The following B3GALT1 variants were observed in gnomAD, a reference collection of about 807,000 sequenced individuals.
B3GALT1 encodes beta-1,3-galactosyltransferase 1.
In B3GALT1, 10 loss-of-function variants were observed where a neutral mutation model predicts 23.2. The observed-to-expected ratio is 0.43, with a 90% CI of 0.27 to 0.73. The LOEUF (loss-of-function observed/expected upper bound fraction) is 0.73. Among genes scored for constraint, B3GALT1 ranks in the 30% least tolerant of loss-of-function variants. B3GALT1 has a pLI of 0.21. For missense variants in B3GALT1, 299 were observed against 405.4 expected (o/e 0.74, Z 2.25); for synonymous variants, 156 against 141.5 (o/e 1.10, Z -0.73).
intron 1 of B3GALT1, among the ~76,000 whole-genome samples, chr2:167,315,357 A>G (rs1001501938): frequency 6.6e-6 from 1 of 152,114 alleles, no homozygotes; most frequent in African/African-American, 2.4e-5. Flanking sequence ...AGAAAACACT[A>G]ATTTTTTTTT....
chr2:167,320,640 A>T (rs759166973), intron 1 of B3GALT1, among the ~76,000 whole-genome samples: 4 of 152,136 alleles, frequency 2.6e-5, no homozygotes, highest in Admixed American at 6.5e-5. Flanking sequence ...ACCCCAGTTC[A>T]TAGAAGCATA....
chr2:167,800,157 A>G (rs1051496057), intron 3 of B3GALT1, among the ~76,000 whole-genome samples: 2 of 152,208 alleles, frequency 1.3e-5, no homozygotes, highest in South Asian at 2.1e-4. Context: ...GAATTTCACT[A>G]TTAGCTCTAA....
At chr2:167,764,357 T>C (rs1687941588) in intron 3 of B3GALT1, among the ~76,000 whole-genome samples, 1 of 152,226 alleles carries the variant, frequency 6.6e-6, no homozygotes, top group Non-Finnish European at 1.5e-5. Flanking sequence ...ATTAAAGTTA[T>C]TAATAATATA....
intron 1 of B3GALT1, among the ~76,000 whole-genome samples, chr2:167,370,458 T>G (rs531309172): frequency 6.6e-6 from 1 of 151,948 alleles, no homozygotes; most frequent in Non-Finnish European, 1.5e-5. Context: ...GAAAGAAAAA[T>G]GAAGATGATA....
chr2:167,776,819 T>C (rs1474374978), intron 3 of B3GALT1, among the ~76,000 whole-genome samples: 4 of 152,262 alleles, frequency 2.6e-5, no homozygotes, highest in Admixed American at 2.6e-4. Flanking sequence ...AAAAACTTTC[T>C]AAATAACTTC....
Position 167,873,505 on chromosome 2 carries a change from AT to A in B3GALT1, c.*3488del, listed in dbSNP as rs1464323510. 6.6e-6 allele frequency: 1 copy of A among 152,188 alleles called. No individual in the cohort carries two copies. Among genetic ancestry groups the A allele is most frequent in the Admixed American group, 6.5e-5 (1 of 15,290 alleles). The allele number at this position is 152,188 out of a possible 1,614,324, so 9.4% of individuals were successfully genotyped here. A position where few individuals can be genotyped will look rare whatever the true frequency, so the allele number is the denominator to read the frequency against. ...CTCTTCTATCAAAAGACAATGGAAT[AT>A]TTACCTAAAGCATCTGGGATTCATT... On this transcript the variant is annotated 3_prime_UTR_variant, in exon 5 of 5. Coordinates refer to ENST00000392690, the MANE Select transcript of B3GALT1 (RefSeq NM_020981.4).
intron 4 of B3GALT1, among the ~76,000 whole-genome samples, chr2:167,829,724 C>T (rs1689305658): frequency 6.6e-6 from 1 of 152,134 alleles, no homozygotes; most frequent in Admixed American, 6.5e-5. Context: ...CTACCCCTCC[C>T]CTTGGCTAAG....
At chr2:167,446,860 A>G (rs112034913) in intron 1 of B3GALT1, among the ~76,000 whole-genome samples, 2,031 of 152,186 alleles carry the variant, frequency 0.013, 44 homozygotes, top group African/African-American at 0.046. Context: ...CTTCTCTCAA[A>G]TCGTCAAAGT....
At chr2:167,333,975 G>A (rs970977925) in intron 1 of B3GALT1, among the ~76,000 whole-genome samples, 4 of 151,656 alleles carry the variant, frequency 2.6e-5, no homozygotes, top group Non-Finnish European at 5.9e-5. Context: ...CACTTTTTGT[G>A]TCATTATTTT....
chr2:167,590,143 G>A (rs1204853402), intron 2 of B3GALT1, among the ~76,000 whole-genome samples: 4 of 152,034 alleles, frequency 2.6e-5, no homozygotes, highest in East Asian at 3.9e-4. Flanking sequence ...TCAGGAGATC[G>A]AGACCATCCT....
intron 3 of B3GALT1, among the ~76,000 whole-genome samples, chr2:167,668,847 C>A (rs967498118): frequency 5.8e-4 from 89 of 152,218 alleles, no homozygotes; most frequent in Non-Finnish European, 1.5e-5. Context: ...CGCCCACTGT[C>A]TGGCACTCCC....
At chr2:167,415,308 CCCTGAG>C (rs1698452114) in intron 1 of B3GALT1, among the ~76,000 whole-genome samples, 1 of 152,148 alleles carries the variant, frequency 6.6e-6, no homozygotes, top group Non-Finnish European at 1.5e-5. Context: ...TTATATGATA[CCCTGAG>C]CCATCTCAGG....
rs1553463223 is a variant in B3GALT1 at position 167,512,546 on chromosome 2, GTATATATATGTA to G, written c.-410+22305_-410+22316del. ...TATATGTGTGTGTGTATATATATAT[GTATATATATGTA>G]TATATATATGTATATATATATGTAT... On this transcript the variant is annotated intron_variant, in intron 2 of 4. Coordinates refer to ENST00000392690, the MANE Select transcript of B3GALT1 (RefSeq NM_020981.4). 1.1e-3 allele frequency among the ~76,000 whole-genome samples: 90 copies of G among 80,224 alleles called. 2 individuals carry two copies. The highest frequency in any genetic ancestry group is 1.7e-3 in the Non-Finnish European group (71 of 41,336). 52.6% of individuals were successfully genotyped at this position (80,224 alleles called of 152,430 possible).
intron 2 of B3GALT1, among the ~76,000 whole-genome samples, chr2:167,631,950 C>A (rs1263799278): frequency 6.6e-6 from 1 of 151,866 alleles, no homozygotes; most frequent in African/African-American, 2.4e-5. Flanking sequence ...CCCCTACCCC[C>A]CACCCACTGA....
chr2:167,662,344 C>A (rs1686074958), intron 3 of B3GALT1, among the ~76,000 whole-genome samples: 1 of 152,042 alleles, frequency 6.6e-6, no homozygotes, highest in Non-Finnish European at 1.5e-5. Flanking sequence ...CTTTTTACAG[C>A]AGCTTTAGTT....
intron 3 of B3GALT1, among the ~76,000 whole-genome samples, chr2:167,769,319 A>G (rs1173456082): frequency 6.6e-6 from 1 of 152,084 alleles, no homozygotes; most frequent in South Asian, 2.1e-4. Context: ...AACACCTTCC[A>G]TGCTTCACCA....
chr2:167,459,307 A>G (rs1030932308), intron 1 of B3GALT1, among the ~76,000 whole-genome samples: 1 of 152,128 alleles, frequency 6.6e-6, no homozygotes, highest in Non-Finnish European at 1.5e-5. Flanking sequence ...GTTACCACAA[A>G]GATTACAGTT....
chr2:167,582,731 C>T (rs555642836), intron 2 of B3GALT1, among the ~76,000 whole-genome samples: 1 of 152,244 alleles, frequency 6.6e-6, no homozygotes, highest in East Asian at 1.9e-4. Context: ...TGGCAGGAGT[C>T]TAGAAAGGAT....
intron 1 of B3GALT1, among the ~76,000 whole-genome samples, chr2:167,300,997 T>G (rs761215383): frequency 6.6e-6 from 1 of 152,344 alleles, no homozygotes; most frequent in Middle Eastern, 3.4e-3. Flanking sequence ...TCTCCTTTAG[T>G]GGACTGAAAG....
Sources: gnomAD v4.1 joint callset for allele counts (sites outside exome capture counted in the v4.1 genomes callset) on GRCh38, gnomAD v4.1.1 for gene constraint, MANE v1.5 for transcripts, NCBI Gene and HGNC (gene_info 2026-07-23, HGNC 2026-07-21) for gene names.